CCSER1: variants seen among roughly 807,000 people sequenced by gnomAD.
CCSER1 encodes coiled-coil serine rich protein 1.
Under a neutral mutation model 82.0 loss-of-function variants are expected in CCSER1, and 41 were observed. The observed-to-expected ratio is 0.50, with a 90% CI of 0.39 to 0.65. CCSER1 has a LOEUF of 0.65. Ranked by LOEUF, CCSER1 falls within the 30% of genes least tolerant of loss-of-function variation. The pLI, the probability that CCSER1 is intolerant of heterozygous loss-of-function variation, is 0.00. For missense variants in CCSER1, 1,119 were observed against 1,064.2 expected, an observed-to-expected ratio of 1.05 and a Z score of -0.72; for synonymous variants, 414 against 383.9, an observed-to-expected ratio of 1.08 and a Z score of -0.92.
At chr4:90,838,686 A>T (rs1333818352) in intron 8 of CCSER1, among the ~76,000 whole-genome samples, 3 of 152,132 alleles carry the variant, frequency 2.0e-5, no homozygotes, top group Non-Finnish European at 4.4e-5. Context: ...TCCTTCACCA[A>T]CATGCAAGTT....
At chr4:90,215,564 T>G (rs973412678) in intron 1 of CCSER1, among the ~76,000 whole-genome samples, 4 of 151,580 alleles carry the variant, frequency 2.6e-5, no homozygotes, top group African/African-American at 4.9e-5. Context: ...TTTAAAAATA[T>G]GCACACCTGG....
intron 1 of CCSER1, among the ~76,000 whole-genome samples, chr4:90,152,535 G>A (rs1727056392): frequency 6.6e-6 from 1 of 152,106 alleles, no homozygotes; most frequent in South Asian, 2.1e-4. Flanking sequence ...TCCTGAGTAG[G>A]CAGCCTACAA....
chr4:91,588,237 G>C (rs918359958), intron 10 of CCSER1, among the ~76,000 whole-genome samples: 2 of 151,014 alleles, frequency 1.3e-5, no homozygotes, highest in Admixed American at 1.3e-4. Context: ...CTTTGATAAA[G>C]CAGCTTTTCA....
chr4:90,377,446 T>C (rs1748517419), intron 3 of CCSER1, among the ~76,000 whole-genome samples: 1 of 152,154 alleles, frequency 6.6e-6, no homozygotes, highest in African/African-American at 2.4e-5. Flanking sequence ...GTAGAAGTAC[T>C]GGATAAACTG....
At chr4:90,682,278 A>G (rs1734033879) in intron 6 of CCSER1, among the ~76,000 whole-genome samples, 1 of 152,102 alleles carries the variant, frequency 6.6e-6, no homozygotes, top group African/African-American at 2.4e-5. Flanking sequence ...AAAAAAGAAA[A>G]AAAAAGACAC....
At chr4:90,177,836 G>T (rs536649655) in intron 1 of CCSER1, among the ~76,000 whole-genome samples, 15 of 152,074 alleles carry the variant, frequency 9.9e-5, no homozygotes, top group Non-Finnish European at 1.8e-4. Context: ...AGCTCTGGTT[G>T]TTTTGGGCCT....
At chr4:91,312,704 T>G (rs1157807710) in intron 10 of CCSER1, among the ~76,000 whole-genome samples, 1 of 151,932 alleles carries the variant, frequency 6.6e-6, no homozygotes, top group African/African-American at 2.4e-5. Flanking sequence ...TCATCTAAAT[T>G]TTTCATTGTA....
At chr4:91,267,175 C>A (rs543764884) in intron 10 of CCSER1, among the ~76,000 whole-genome samples, 21 of 152,100 alleles carry the variant, frequency 1.4e-4, no homozygotes, top group Non-Finnish European at 2.8e-4. Flanking sequence ...ACCTGTGGAT[C>A]CAGCAAATCT....
At chr4:91,580,698 C>G (rs1763686485) in intron 10 of CCSER1, among the ~76,000 whole-genome samples, 1 of 151,548 alleles carries the variant, frequency 6.6e-6, no homozygotes. Flanking sequence ...ATTCTAGACC[C>G]TCATTTAGGG....
At chr4:91,552,553 G>T (rs1317113156) in intron 10 of CCSER1, among the ~76,000 whole-genome samples, 1 of 151,626 alleles carries the variant, frequency 6.6e-6, no homozygotes, top group East Asian at 1.9e-4. Context: ...CTCTAAGACA[G>T]TGTATTTGGA....
chr4:90,566,802 C>T (rs995810438), intron 5 of CCSER1, among the ~76,000 whole-genome samples: 2 of 152,056 alleles, frequency 1.3e-5, no homozygotes, highest in African/African-American at 4.8e-5. Context: ...CGGGGTTTCA[C>T]CGTGTTAGCC....
chr4:90,958,028 G>C (rs997248977), intron 9 of CCSER1, among the ~76,000 whole-genome samples: 17 of 152,216 alleles, frequency 1.1e-4, no homozygotes, highest in Non-Finnish European at 2.9e-5. Flanking sequence ...TTAGCTGGGG[G>C]ATCTTCCAAA....
At chr4:90,902,692 A>T (rs931022539) in intron 8 of CCSER1, among the ~76,000 whole-genome samples, 1 of 152,034 alleles carries the variant, frequency 6.6e-6, no homozygotes, top group African/African-American at 2.4e-5. Flanking sequence ...AGCTTATTTT[A>T]TGGACTAGCA....
At chr4:90,597,801 C>T (rs570514139) in intron 5 of CCSER1, among the ~76,000 whole-genome samples, 67 of 152,076 alleles carry the variant, frequency 4.4e-4, no homozygotes, top group African/African-American at 1.6e-3. Flanking sequence ...TCATTTTCTC[C>T]CTGCCCCACC....
intron 5 of CCSER1, among the ~76,000 whole-genome samples, chr4:90,497,619 C>A (rs1389653539): frequency 6.6e-6 from 1 of 152,122 alleles, no homozygotes; most frequent in Non-Finnish European, 1.5e-5. Flanking sequence ...TCAATGCAAA[C>A]ATATGTAACG....
At position 91,073,763 on chromosome 4, in the gene CCSER1, AG is replaced by A. The variant is rs201050676; in HGVS notation, c.2173-12185del. Among the ~76,000 whole-genome samples the A allele has an allele frequency of 6.6e-3, 1,005 of 152,240 alleles. 48 individuals carry two copies. Among genetic ancestry groups the A allele is most frequent in the Admixed American group, 0.059 (895 of 15,280 alleles). On this transcript the variant is annotated intron_variant, in intron 9 of 10. Coordinates refer to ENST00000509176, the MANE Select transcript of CCSER1 (RefSeq NM_001145065.2). The stretch of plus-strand genomic sequence containing the variant: ...GAGTAGTTTAATTAGTTTCACTGAG[AG>A]GCCATACAAAACAGAAAGACACAGA...
intron 1 of CCSER1, among the ~76,000 whole-genome samples, chr4:90,289,730 A>T (rs1730573885): frequency 6.6e-6 from 1 of 151,938 alleles, no homozygotes; most frequent in Non-Finnish European, 1.5e-5. Flanking sequence ...TCTTGACTAA[A>T]TTAAAAAGGT....
At chr4:90,808,074 C>T (rs192177789) in intron 7 of CCSER1, among the ~76,000 whole-genome samples, 3 of 152,048 alleles carry the variant, frequency 2.0e-5, no homozygotes, top group East Asian at 3.9e-4. Context: ...AATAGAGAAC[C>T]CAGAAATAAA....
At chr4:90,603,497 G>A (rs925317997) in intron 5 of CCSER1, among the ~76,000 whole-genome samples, 2 of 152,120 alleles carry the variant, frequency 1.3e-5, no homozygotes, top group Non-Finnish European at 2.9e-5. Flanking sequence ...CTGGAATTTG[G>A]GTAGGATACC....
Sources: gnomAD v4.1 joint callset for allele counts (sites outside exome capture counted in the v4.1 genomes callset) on GRCh38, gnomAD v4.1.1 for gene constraint, MANE v1.5 for transcripts, NCBI Gene and HGNC (gene_info 2026-07-23, HGNC 2026-07-21) for gene names.